Variants in OBSL1 observed in about 807,000 individuals in gnomAD.
OBSL1 encodes the protein obscurin like cytoskeletal adaptor 1.
A neutral mutation model predicts 172.0 loss-of-function variants in OBSL1; 160 were observed. That is an observed-to-expected ratio of 0.93 (90% CI 0.82 to 1.06). OBSL1 has a LOEUF of 1.06. OBSL1 is among the 50% of genes least tolerant of loss of function. The pLI is 0.00. For synonymous variants in OBSL1, 1,200 were observed against 1,196.3 expected, an observed-to-expected ratio of 1.00 and a Z score of -0.06; for missense variants, 2,681 against 2,715.4, an observed-to-expected ratio of 0.99 and a Z score of 0.28.
rs1697245964 is a variant in OBSL1, at chr2:219,570,313, A to T, written c.920T>A (p.Leu307His). The change falls in exon 1 of 21, where the codon CTT becomes CAT. Residue 307 changes from leucine (L) to histidine (H), a missense_variant. Physicochemically the swap from Leu to His is moderately conservative, Grantham distance 99. Around this residue, in one of 5 missense-constraint regions of OBSL1, gnomAD observed 706 missense variants for 695.8 expected, o/e 1.01. Coordinates refer to ENST00000404537, the MANE Select transcript of OBSL1 (RefSeq NM_015311.3). The stretch of plus-strand genomic sequence containing the variant: ...CCCACGATCCTTGGCCTGGCAGTAA[A>T]GCACCTTGAGCACGAAGCCGCCGTC... ...DRDGGFVLKV[L>H]YCQAKDRGLY... is the part of the protein sequence containing the mutation. The T allele has an allele frequency of 6.2e-7, 1 of 1,611,512 alleles. No homozygotes were observed. The highest frequency in any genetic ancestry group is 1.1e-5 in the South Asian group (1 of 90,962).
At chr2:219,559,074 G>T in intron 9 of OBSL1, 151 bp downstream of exon 9, 1 of 707,238 alleles carries the variant, frequency 1.4e-6, no homozygotes, top group Non-Finnish European at 2.3e-6. Flanking sequence ...GTCCTGACCT[G>T]ATGTGGCTAA....
intron 6 of OBSL1, 84 bp from the exon 7 acceptor site, chr2:219,563,711 C>G (rs1361359867): frequency 2.1e-6 from 3 of 1,462,950 alleles, no homozygotes; most frequent in Non-Finnish European, 2.8e-6. Flanking sequence ...GACACTGTTT[C>G]TGCACAAGAG....
chr2:219,551,818 G>A lies in OBSL1; in HGVS notation c.5414-20C>T, dbSNP rs769526205. The A allele has an allele frequency of 4.0e-6, 6 of 1,482,770 alleles. No homozygotes were observed. The highest frequency in any genetic ancestry group is 3.7e-6 in the Non-Finnish European group (4 of 1,086,754). The allele number at this position is 1,482,770 out of a possible 1,614,324, so 91.9% of individuals were successfully genotyped here. A position where few individuals can be genotyped will look rare whatever the true frequency, so the allele number is the denominator to read the frequency against. ...GCAATGCTGGGGGTAGGGGGCGGGGGCTTAAGTTAATAGGGACACGCATGG... is the reference window on the plus strand; with the variant it reads ...GCAATGCTGGGGGTAGGGGGCGGGGACTTAAGTTAATAGGGACACGCATGG... On this transcript the variant is annotated intron_variant, in intron 19 of 20. Coordinates refer to ENST00000404537, the MANE Select transcript of OBSL1 (RefSeq NM_015311.3).
At chr2:219,562,742 T>C (rs2106068627) in intron 7 of OBSL1, 68 bp from the exon 8 acceptor site, 1 of 1,474,320 alleles carries the variant, frequency 6.8e-7, no homozygotes, top group East Asian at 2.5e-5. Context: ...GACCCCGTTG[T>C]GTTCCCTACC....
chr2:219,551,557 G>GT lies in OBSL1; in HGVS notation c.5654dup (p.Asp1885GlufsTer38). ...CTACCAGCAGCCGTGTGTGGGTGCT[G>GT]TCCTGGCCGGCCTGGCAGCAGTAAG... is the stretch of plus-strand genomic sequence containing the variant. On this transcript the variant is annotated frameshift_variant, in exon 20 of 21. Transcript: ENST00000404537. LOFTEE classifies it high-confidence loss of function. The GT allele has an allele frequency of 6.3e-7, 1 of 1,599,902 alleles. No homozygotes were observed. Among genetic ancestry groups the GT allele is most frequent in the African/African-American group, 1.3e-5 (1 of 74,802 alleles).
Position 219,557,810 on chromosome 2 carries a change from AG to A in OBSL1, c.3790+12del. The A allele has an allele frequency of 6.3e-7, 1 of 1,590,194 alleles. No homozygotes were observed. The highest frequency in any genetic ancestry group is 8.5e-7 in the Non-Finnish European group (1 of 1,177,180). On this transcript the variant is annotated intron_variant, in intron 11 of 20. Coordinates refer to ENST00000404537, the MANE Select transcript of OBSL1 (RefSeq NM_015311.3). ...GGTGCCACTCTCAGGCTTAATGCCCAGGCTGTACTCACCAGCCACCTGGACG... is the reference window on the plus strand; with the variant it reads ...GGTGCCACTCTCAGGCTTAATGCCCAGCTGTACTCACCAGCCACCTGGACG...
In OBSL1 at chr2:219,552,580, C is replaced by T; in HGVS notation, c.5264G>A (p.Gly1755Asp). ...VETTGRWELG[G>D]RPLRPGARVR... ...GCGGGCTCCGGGTCTCAGCGGGCGG[C>T]CTCCGAGCTCCCAGCGCCCCGTGGT... The change falls in exon 18 of 21, where the codon GGC (glycine) becomes GAC (aspartate). Residue 1755 changes from glycine to aspartate, a missense_variant. Physicochemically the swap from Gly to Asp is moderately conservative, Grantham distance 94. This residue lies in a region of OBSL1 where 1,765 missense variants were observed against 1,748.3 expected (regional missense o/e 1.01). Coordinates refer to ENST00000404537, the MANE Select transcript of OBSL1 (RefSeq NM_015311.3). 2 of 1,591,596 alleles carry T rather than the reference C, an allele frequency of 1.3e-6. No individual in the cohort carries two copies. The highest frequency in any genetic ancestry group is 1.7e-6 in the Non-Finnish European group (2 of 1,175,486).
chr2:219,564,458 C>T (rs777506249), intron 6 of OBSL1, among the ~76,000 whole-genome samples: 1 of 152,182 alleles, frequency 6.6e-6, no homozygotes, highest in Non-Finnish European at 1.5e-5. Flanking sequence ...ATATATTGCC[C>T]CTCATCGAGT....
At chr2:219,557,685 G>A (rs970355230) in intron 11 of OBSL1, 67 bp from the exon 12 acceptor site, 145 of 1,504,604 alleles carry the variant, frequency 9.6e-5, no homozygotes, top group Non-Finnish European at 1.2e-4. Context: ...GCACGGGGAG[G>A]CATGACGGGG....
At position 219,567,096 on chromosome 2, in the gene OBSL1, T is replaced by G. The variant is rs761864559; in HGVS notation, c.1868A>C (p.Glu623Ala). 6.2e-7 allele frequency: 1 copy of G among 1,613,172 alleles called. No homozygotes were observed. Among genetic ancestry groups the G allele is most frequent in the South Asian group, 1.1e-5 (1 of 91,014 alleles). ...TTCCCCGTCGTATACCTGCACATCC[T>G]CCAGACCTGCCACCAGGCGAGCTGT... Reference protein sequence around the residue: ...VPTARLVAGLEDVQVYDGEDA... With the variant: ...VPTARLVAGLADVQVYDGEDA... The change falls in exon 5 of 21, where the codon GAG becomes GCG. Residue 623 changes from glutamate (E) to alanine (A), a missense_variant. Glu to Ala is a moderately radical substitution (Grantham distance 107). Around this residue, in one of 5 missense-constraint regions of OBSL1, gnomAD observed 53 missense variants for 85.5 expected, o/e 0.62. Transcript: ENST00000404537.
chr2:219,568,453 C>T lies in OBSL1; in HGVS notation c.1013-129G>A. 1 of 906,484 alleles carries T rather than the reference C, an allele frequency of 1.1e-6. No homozygotes were observed. Among genetic ancestry groups the T allele is most frequent in the South Asian group, 1.8e-5 (1 of 56,366 alleles). The allele number at this position is 906,484 out of a possible 1,614,324, so 56.2% of individuals were successfully genotyped here. ...AGAGCCAGCGGGCACTGTGGAATCA[C>T]AGAAAACTACCAGAAGGGAAGTGGT... On this transcript the variant is annotated intron_variant, in intron 1 of 20. Coordinates refer to ENST00000404537, the MANE Select transcript of OBSL1 (RefSeq NM_015311.3). The surrounding 1 kb of genome is among the most constrained non-coding windows in gnomAD (Gnocchi z 4.1).
rs558391191 is a variant in OBSL1 at position 219,551,334 on chromosome 2, T to C, written c.5683+195A>G. 4,188 of 1,409,898 alleles carry C rather than the reference T, an allele frequency of 3.0e-3. 10 individuals are homozygous for C. Among genetic ancestry groups the C allele is most frequent in the Admixed American group, 4.7e-3 (162 of 34,424 alleles). The allele number at this position is 1,409,898 out of a possible 1,614,324, so 87.3% of individuals were successfully genotyped here. ...GTGGGAACAGCTGACCAGGAGCAGC[T>C]GATCTGAGCCAAGCAGTTCCAGGGC... On this transcript the variant is annotated intron_variant, in intron 20 of 20. Transcript: ENST00000404537.
chr2:219,552,316 G>A, intron 18 of OBSL1, 100 bp from the exon 19 acceptor site: 4 of 1,135,506 alleles, frequency 3.5e-6, no homozygotes, highest in African/African-American at 3.1e-5. Flanking sequence ...TTCGGACGCC[G>A]TTAGTGTATG....
chr2:219,558,393 C>T lies in OBSL1; in HGVS notation c.3293G>A (p.Arg1098His), dbSNP rs371148501. The T allele has an allele frequency of 2.5e-5, 40 of 1,606,818 alleles. No homozygotes were observed. The highest frequency in any genetic ancestry group is 1.1e-4 in the African/African-American group (8 of 74,896). ...SLDLHFGAPGRVELRCEVAPA... is the reference protein window; with the variant it reads ...SLDLHFGAPGHVELRCEVAPA... ...GGCCACCTCACAGCGCAGCTCCACG[C>T]GCCCTGGAGCCCCAAAATGCAGATC... The change falls in exon 10 of 21, where the codon CGC (arginine) becomes CAC (histidine). Residue 1098 changes from arginine (R) to histidine (H), a missense_variant. Around this residue, in one of 5 missense-constraint regions of OBSL1, gnomAD observed 1,765 missense variants for 1,748.3 expected, o/e 1.01. Coordinates refer to ENST00000404537, the MANE Select transcript of OBSL1 (RefSeq NM_015311.3).
chr2:219,556,212 C>G lies in OBSL1; in HGVS notation c.4417G>C (p.Gly1473Arg), dbSNP rs2106025103. ...ACGGCCCCCGCTGCACCCACTCGGC[C>G]TGTCTCCACTTCGAGACACACATCC... ...GQDVCLEVET[G>R]RVGAAGAVRW... The change falls in exon 14 of 21, where the codon GGC (glycine) becomes CGC (arginine). Residue 1473 changes from glycine to arginine, a missense_variant. By Grantham distance (125) the Gly-to-Arg change is moderately radical. Transcript: ENST00000404537. 1.2e-6 allele frequency: 2 copies of G among 1,610,694 alleles called. No homozygotes were observed. Among genetic ancestry groups the G allele is most frequent in the Non-Finnish European group, 1.7e-6 (2 of 1,178,084 alleles).
rs773170601 is a variant in OBSL1 at position 219,567,944 on chromosome 2, C to T, written c.1308G>A (p.Arg436=). The part of the protein sequence containing the change: ...VKGPILKRLP[R]KLDVLEGENA... ...TCTCTCCTTCCAGGACGTCGAGCTT[C>T]CGGGGCAGGCGCTTCAGGATGGGCC... The change falls in exon 3 of 21, where the codon CGG becomes CGA. Residue 436 remains arginine (R), a synonymous_variant. Coordinates refer to ENST00000404537, the MANE Select transcript of OBSL1 (RefSeq NM_015311.3). The T allele has an allele frequency of 2.0e-5, 32 of 1,613,732 alleles. No individual in the cohort carries two copies. The highest frequency in any genetic ancestry group is 2.7e-5 in the Non-Finnish European group (32 of 1,179,886).
chr2:219,566,778 G>A, intron 5 of OBSL1, 52 bp downstream of exon 5: 1 of 1,496,608 alleles, frequency 6.7e-7, no homozygotes, highest in Non-Finnish European at 9.0e-7. Context: ...TTGCCAACAG[G>A]ACTTCTGTGT....
intron 9 of OBSL1, 78 bp from the exon 10 acceptor site, chr2:219,558,537 C>G (rs1372787924): frequency 6.9e-7 from 1 of 1,444,142 alleles, no homozygotes; most frequent in Non-Finnish European, 9.2e-7. Flanking sequence ...ATCCTCAGCC[C>G]TCCCCACTGG....
rs754991595 is a variant in OBSL1, at chr2:219,552,109, T to A, written c.5413+3A>T. The A allele has an allele frequency of 2.1e-5, 34 of 1,605,244 alleles. No homozygotes were observed. The highest frequency in any genetic ancestry group is 1.2e-5 in the Non-Finnish European group (14 of 1,176,294). ...CTCTGTCGCTCCCACCCCAGGTGCT[T>A]ACCCTCCACTTCCAGTAGAGCCAGG... is the stretch of plus-strand genomic sequence containing the variant. On this transcript the variant is annotated splice_donor_region_variant and intron_variant, in intron 19 of 20. Transcript: ENST00000404537.
Sources: gnomAD v4.1 joint callset for allele counts (sites outside exome capture counted in the v4.1 genomes callset) on GRCh38, gnomAD v4.1.1 for gene constraint, gnomAD v4.1.1 regional missense constraint, Gnocchi (gnomAD v3.1) non-coding constraint, MANE v1.5 for transcripts, NCBI Gene and HGNC (gene_info 2026-07-23, HGNC 2026-07-21) for gene names.